The following CCDC141 variants were observed in gnomAD, a reference collection of about 807,000 sequenced individuals.
CCDC141 encodes the protein coiled-coil domain containing 141.
A neutral mutation model predicts 181.0 loss-of-function variants in CCDC141; 168 were observed. That is an observed-to-expected ratio of 0.93 (90% CI 0.82 to 1.05). CCDC141 has a LOEUF of 1.05. CCDC141 is among the 50% of genes least tolerant of loss of function. The pLI, the probability that CCDC141 is intolerant of heterozygous loss-of-function variation, is 0.00. For synonymous variants in CCDC141, 666 were observed against 642.3 expected (o/e 1.04, Z -0.56); for missense variants, 1,902 against 1,788.5 (o/e 1.06, Z -1.14).
intron 17 of CCDC141, among the ~76,000 whole-genome samples, chr2:178,864,874 C>T (rs905445400): frequency 2.0e-5 from 3 of 152,202 alleles, no homozygotes; most frequent in South Asian, 2.1e-4. Context: ...CCTTCTTTCC[C>T]AATGGACTTA....
rs2154377054 is a variant in CCDC141, at chr2:178,942,632, GA to G, written c.897+1902del. Among the ~76,000 whole-genome samples the G allele has an allele frequency of 1.3e-5, 2 of 152,230 alleles. 1 individual carries two copies. The highest frequency in any genetic ancestry group is 4.1e-4 in the South Asian group (2 of 4,820). On this transcript the variant is annotated intron_variant, in intron 6 of 23. Coordinates refer to ENST00000443758, the MANE Select transcript of CCDC141 (RefSeq NM_173648.4). ...AAACCCATAGAATGTACAACACCAA[GA>G]GTGAACCCTAATATAAGCAATGAAC...
At chr2:179,047,191 C>T in intron 2 of CCDC141, 93 bp downstream of exon 2, 1 of 1,196,342 alleles carries the variant, frequency 8.4e-7, no homozygotes. Flanking sequence ...TAAAGTGGCC[C>T]TAGGCCAGTA....
At position 178,831,495 on chromosome 2, in the gene CCDC141, G is replaced by A. The variant is rs532058392; in HGVS notation, c.*2678C>T. 10 of 152,116 alleles carry A rather than the reference G, an allele frequency of 6.6e-5. No homozygotes were observed. Among genetic ancestry groups the A allele is most frequent in the Non-Finnish European group, 1.3e-4 (9 of 68,010 alleles). 9.4% of individuals were successfully genotyped at this position (152,116 alleles called of 1,614,324 possible). A position where few individuals can be genotyped will look rare whatever the true frequency, so the allele number is the denominator to read the frequency against. ...TCATTTTAGTTTTCTTGTTGAAAAT[G>A]TTTTGATATTACTAACCATTCAGGA... On this transcript the variant is annotated 3_prime_UTR_variant, in exon 24 of 24. Transcript: ENST00000443758.
intron 8 of CCDC141, among the ~76,000 whole-genome samples, chr2:178,898,798 T>A (rs1046482707): frequency 6.6e-6 from 1 of 152,096 alleles, no homozygotes; most frequent in Non-Finnish European, 1.5e-5. Context: ...ACTTCTGAGG[T>A]CCTATTTTTT....
chr2:178,983,276 A>G (rs1357159960), intron 2 of CCDC141, among the ~76,000 whole-genome samples: 1 of 152,152 alleles, frequency 6.6e-6, no homozygotes, highest in Non-Finnish European at 1.5e-5. Flanking sequence ...AAGGAAAACT[A>G]ACAAACAGAA....
intron 2 of CCDC141, among the ~76,000 whole-genome samples, chr2:178,989,888 C>T (rs1691962907): frequency 6.7e-6 from 1 of 148,466 alleles, no homozygotes; most frequent in Non-Finnish European, 1.5e-5. Flanking sequence ...ACCTGTAATC[C>T]CAGCACTTTG....
At chr2:178,868,865 G>A (rs2154368913) in intron 15 of CCDC141, among the ~76,000 whole-genome samples, 1 of 152,232 alleles carries the variant, frequency 6.6e-6, no homozygotes, top group South Asian at 2.1e-4. Flanking sequence ...AGACAGACTT[G>A]TCAAATAATG....
intron 2 of CCDC141, among the ~76,000 whole-genome samples, chr2:178,983,460 A>G (rs1221768799): frequency 1.3e-5 from 2 of 152,164 alleles, no homozygotes; most frequent in Non-Finnish European, 2.9e-5. Flanking sequence ...ACAAAGCTGG[A>G]TGGAGAATGA....
chr2:178,857,849 A>G (rs1354369096), intron 17 of CCDC141, among the ~76,000 whole-genome samples: 1 of 152,216 alleles, frequency 6.6e-6, no homozygotes, highest in Non-Finnish European at 1.5e-5. Flanking sequence ...TAGATTATAG[A>G]ATTGTAATGC....
At position 178,945,762 on chromosome 2, in the gene CCDC141, A is replaced by AGG. The variant is rs1333796412; in HGVS notation, c.781-1112_781-1111insCC. ...AGTCTCAGGATTTCTCTGAAATCCT[A>AGG]TAACATGGAGAAATGTGTACAACAG... On this transcript the variant is annotated intron_variant, in intron 5 of 23. Transcript: ENST00000443758. Among the ~76,000 whole-genome samples, 3 of 152,142 alleles carry AGG rather than the reference A, an allele frequency of 2.0e-5. No individual in the cohort carries two copies. The East Asian group carries it at 5.8e-4, about 29-fold the overall frequency.
At chr2:178,825,359 G>A (rs141514516), downstream of CCDC141, 26 of 152,192 alleles carry the variant, frequency 1.7e-4, no homozygotes, top group African/African-American at 5.5e-4. Context: ...TGACCAACTG[G>A]TAAATCATCC....
intron 2 of CCDC141, among the ~76,000 whole-genome samples, chr2:179,015,587 C>G (rs374986788): frequency 0.025 from 511 of 20,384 alleles, no homozygotes; most frequent in Admixed American, 0.05. Flanking sequence ...TCATATATAT[C>G]TCATATGTAT....
At chr2:178,909,055 A>G (rs1032350094) in intron 7 of CCDC141, among the ~76,000 whole-genome samples, 22 of 152,166 alleles carry the variant, frequency 1.4e-4, no homozygotes, top group Non-Finnish European at 1.5e-5. Context: ...GCCACTCTCA[A>G]ATCCTCAGGC....
chr2:178,835,057 T>A (rs1024320690), intron 23 of CCDC141, among the ~76,000 whole-genome samples: 2 of 152,164 alleles, frequency 1.3e-5, no homozygotes. Context: ...AGGCCACCAT[T>A]TGCTCATAGT....
intron 6 of CCDC141, among the ~76,000 whole-genome samples, chr2:178,931,340 A>T (rs1268472269): frequency 1.3e-5 from 2 of 152,198 alleles, no homozygotes; most frequent in Non-Finnish European, 2.9e-5. Context: ...AAAAGAATTG[A>T]AAAGAGGTAT....
chr2:178,983,181 G>T (rs1691521861), intron 2 of CCDC141, among the ~76,000 whole-genome samples: 1 of 152,142 alleles, frequency 6.6e-6, no homozygotes, highest in Admixed American at 6.5e-5. Flanking sequence ...AGCCTAACTG[G>T]GAGGCACCCT....
chr2:178,820,683 C>T, the CCDC141 span, among the ~76,000 whole-genome samples: 1 of 152,064 alleles, frequency 6.6e-6, no homozygotes, highest in Non-Finnish European at 1.5e-5. Flanking sequence ...GTTATTAATT[C>T]ATATGAGCTG....
At chr2:178,919,320 G>A (rs1445535681) in intron 6 of CCDC141, among the ~76,000 whole-genome samples, 1 of 152,156 alleles carries the variant, frequency 6.6e-6, no homozygotes, top group Non-Finnish European at 1.5e-5. Flanking sequence ...TAGATATGCT[G>A]AGTATATCAA....
intron 6 of CCDC141, among the ~76,000 whole-genome samples, chr2:178,927,540 T>C (rs1024853577): frequency 5.3e-5 from 8 of 151,884 alleles, no homozygotes; most frequent in African/African-American, 1.5e-4. Flanking sequence ...AGGGGGTCGG[T>C]GTTATCAAGA....
Sources: gnomAD v4.1 joint callset for allele counts (sites outside exome capture counted in the v4.1 genomes callset) on GRCh38, gnomAD v4.1.1 for gene constraint, MANE v1.5 for transcripts, NCBI Gene and HGNC (gene_info 2026-07-23, HGNC 2026-07-21) for gene names.